The following PREX2 variants were observed in gnomAD, a reference collection of about 807,000 sequenced individuals.
PREX2 encodes phosphatidylinositol-3,4,5-trisphosphate dependent Rac exchange factor 2, also known as phosphatidylinositol 3,4,5-trisphosphate-dependent Rac exchanger 2 protein.
PREX2 carries 107 observed loss-of-function variants against 203.2 expected under a neutral mutation model. That is an observed-to-expected ratio of 0.53 (90% CI 0.45 to 0.62). The LOEUF is 0.62. Among genes scored for constraint, PREX2 ranks in the 20% least tolerant of loss-of-function variants. The probability of loss-of-function intolerance (pLI) is 0.00; values close to 1 mark genes in which losing one functional copy is unlikely to be tolerated. For synonymous variants in PREX2, 672 were observed against 663.6 expected (o/e 1.01, Z -0.19); for missense variants, 1,777 against 1,955.9 (o/e 0.91, Z 1.72).
chr8:68,207,596 T>G (rs1585865179), intron 37 of PREX2, among the ~76,000 whole-genome samples: 4 of 152,150 alleles, frequency 2.6e-5, no homozygotes, highest in African/African-American at 9.6e-5. Flanking sequence ...TAATGAAAAT[T>G]TTGAACGTTT....
rs1316918290 is a variant in PREX2 at position 68,098,837 on chromosome 8, A to G, written c.2554-845A>G. Among the ~76,000 whole-genome samples, 5 of 151,578 alleles carry G rather than the reference A, an allele frequency of 3.3e-5. No homozygotes were observed. In the East Asian group the frequency reaches 9.7e-4, roughly 29 times the overall value. On this transcript the variant is annotated intron_variant, in intron 22 of 39. Coordinates refer to ENST00000288368, the MANE Select transcript of PREX2 (RefSeq NM_024870.4). ...GTGAGGGAGCTCAGATAACCAGAAC[A>G]TATATACATTTTATGTTTCACAGAA...
chr8:68,178,670 G>A (rs1812028685), intron 35 of PREX2, among the ~76,000 whole-genome samples: 1 of 152,072 alleles, frequency 6.6e-6, no homozygotes, highest in African/African-American at 2.4e-5. Flanking sequence ...GAAACTAATA[G>A]CTAGTTTCTT....
At chr8:68,189,551 A>G (rs1812254411) in intron 35 of PREX2, among the ~76,000 whole-genome samples, 1 of 152,206 alleles carries the variant, frequency 6.6e-6, no homozygotes, top group South Asian at 2.1e-4. Context: ...TTTGATTTTC[A>G]TCATGGAAAT....
chr8:68,134,003 G>C (rs1213380949), intron 31 of PREX2, 56 bp from the exon 32 acceptor site: 2 of 1,420,344 alleles, frequency 1.4e-6, no homozygotes, highest in Non-Finnish European at 2.0e-6. Flanking sequence ...GAACGCATTG[G>C]TTTTCACCAT....
intron 25 of PREX2, 74 bp from the exon 26 acceptor site, chr8:68,115,679 T>C (rs1585806258): frequency 1.0e-6 from 1 of 972,776 alleles, no homozygotes; most frequent in Non-Finnish European, 1.5e-6. Flanking sequence ...AAGCCTATTG[T>C]ATTCAGCAAA....
chr8:68,209,070 T>TAAAAAAAAAAAA (rs994362514), intron 37 of PREX2, among the ~76,000 whole-genome samples: 2 of 115,096 alleles, frequency 1.7e-5, no homozygotes, highest in African/African-American at 3.3e-5. Context: ...TGGACTCATT[T>TAAAAAAAAAAAA]AAAAAAAAAA....
At chr8:68,133,409 A>T (rs1432225159) in intron 31 of PREX2, among the ~76,000 whole-genome samples, 1 of 152,332 alleles carries the variant, frequency 6.6e-6, no homozygotes, top group Non-Finnish European at 1.5e-5. Context: ...AAACATATAC[A>T]AATCAATTCA....
intron 1 of PREX2, among the ~76,000 whole-genome samples, chr8:67,966,294 A>G (rs1210932525): frequency 6.6e-6 from 1 of 152,178 alleles, no homozygotes; most frequent in Non-Finnish European, 1.5e-5. Context: ...AATTGCCTAT[A>G]GTTTTACTAT....
chr8:68,234,922 A>T lies in PREX2; in HGVS notation c.*3544A>T, dbSNP rs570506487. The T allele has an allele frequency of 3.3e-5, 5 of 152,298 alleles. No individual in the cohort carries two copies. The highest frequency in any genetic ancestry group is 4.8e-5 in the African/African-American group (2 of 41,582). The allele number at this position is 152,298 out of a possible 1,614,324, so 9.4% of individuals were successfully genotyped here. A position where few individuals can be genotyped will look rare whatever the true frequency, so the allele number is the denominator to read the frequency against. On this transcript the variant is annotated 3_prime_UTR_variant, in exon 40 of 40. Transcript: ENST00000288368. Reference sequence around the variant, plus strand: ...TCAGAATGAAATGAAATTGACCTTGATACTAACTTTGAGAGCCAAAAAAAT... The same window carrying T: ...TCAGAATGAAATGAAATTGACCTTGTTACTAACTTTGAGAGCCAAAAAAAT...
At chr8:68,102,799 A>G (rs774794893) in intron 23 of PREX2, 32 of 517,214 alleles carry the variant, frequency 6.2e-5, no homozygotes, top group Non-Finnish European at 1.1e-4. Context: ...ATTATAATAG[A>G]TTTCCTGGCT....
At chr8:67,962,701 G>C (rs1158265943) in intron 1 of PREX2, among the ~76,000 whole-genome samples, 1 of 151,624 alleles carries the variant, frequency 6.6e-6, no homozygotes, top group African/African-American at 2.4e-5. Context: ...CTGCCTCCTG[G>C]GTTCAAGTGA....
intron 37 of PREX2, among the ~76,000 whole-genome samples, chr8:68,197,803 A>C (rs1442375500): frequency 6.7e-6 from 1 of 148,784 alleles, no homozygotes; most frequent in South Asian, 2.1e-4. Context: ...TATATATGCT[A>C]TATATATGCT....
chr8:68,207,866 A>T (rs1366463837), intron 37 of PREX2, among the ~76,000 whole-genome samples: 1 of 151,992 alleles, frequency 6.6e-6, no homozygotes, highest in Non-Finnish European at 1.5e-5. Flanking sequence ...CAGTGGGGTA[A>T]GAGATACTGT....
intron 26 of PREX2, among the ~76,000 whole-genome samples, chr8:68,117,079 T>G (rs562507324): frequency 1.1e-4 from 16 of 152,340 alleles, no homozygotes; most frequent in African/African-American, 3.6e-4. Flanking sequence ...TGCAGTGTTT[T>G]GCAATGAAAA....
At chr8:68,067,668 A>T (rs1419400510) in intron 11 of PREX2, among the ~76,000 whole-genome samples, 1 of 152,056 alleles carries the variant, frequency 6.6e-6, no homozygotes, top group Non-Finnish European at 1.5e-5. Flanking sequence ...GCCATCTACA[A>T]ATAGAGACAA....
chr8:68,062,379 A>G (rs550956716), intron 11 of PREX2, among the ~76,000 whole-genome samples: 6 of 152,318 alleles, frequency 3.9e-5, no homozygotes, highest in Non-Finnish European at 5.9e-5. Context: ...AAACTTAAAG[A>G]AAAGTTCAGA....
chr8:67,988,968 A>G (rs1806517859), intron 1 of PREX2, among the ~76,000 whole-genome samples: 1 of 152,220 alleles, frequency 6.6e-6, no homozygotes, highest in South Asian at 2.1e-4. Flanking sequence ...TTTTAAAAGC[A>G]AACCAAGCAC....
At chr8:68,116,439 G>A (rs1172854318) in intron 26 of PREX2, among the ~76,000 whole-genome samples, 1 of 152,060 alleles carries the variant, frequency 6.6e-6, no homozygotes, top group Non-Finnish European at 1.5e-5. Flanking sequence ...GTTTTGTAGG[G>A]CTGCTGTAAC....
chr8:68,068,715 G>A (rs1199664432), intron 11 of PREX2, among the ~76,000 whole-genome samples: 3 of 151,876 alleles, frequency 2.0e-5, no homozygotes, highest in Admixed American at 6.6e-5. Context: ...TTATATAAAT[G>A]TACACATTGT....
Sources: gnomAD v4.1 joint callset for allele counts (sites outside exome capture counted in the v4.1 genomes callset) on GRCh38, gnomAD v4.1.1 for gene constraint, MANE v1.5 for transcripts, NCBI Gene and HGNC (gene_info 2026-07-23, HGNC 2026-07-21) for gene names.